The following PREX2 variants were observed in gnomAD, a reference collection of about 807,000 sequenced individuals.
PREX2 encodes the protein phosphatidylinositol-3,4,5-trisphosphate dependent Rac exchange factor 2, also known as phosphatidylinositol 3,4,5-trisphosphate-dependent Rac exchanger 2 protein.
PREX2 carries 107 observed loss-of-function variants against 203.2 expected under a neutral mutation model. The ratio of observed to expected loss-of-function variants is 0.53; its 90% CI spans 0.45 to 0.62. The LOEUF (loss-of-function observed/expected upper bound fraction) is 0.62, where lower values mean the gene tolerates loss of function less well. Ranked by LOEUF, PREX2 falls within the 20% of genes least tolerant of loss-of-function variation. The probability of loss-of-function intolerance (pLI) is 0.00; values close to 1 mark genes in which losing one functional copy is unlikely to be tolerated. For synonymous variants in PREX2, 672 were observed against 663.6 expected, an observed-to-expected ratio of 1.01 and a Z score of -0.19; for missense variants, 1,777 against 1,955.9, an observed-to-expected ratio of 0.91 and a Z score of 1.72.
At chr8:68,191,255 C>A (rs1263904278) in intron 35 of PREX2, among the ~76,000 whole-genome samples, 1 of 152,150 alleles carries the variant, frequency 6.6e-6, no homozygotes, top group East Asian at 1.9e-4. Context: ...TTTTATGAGC[C>A]TTCGTTCCAT....
intron 37 of PREX2, among the ~76,000 whole-genome samples, chr8:68,212,843 T>C (rs1310607380): frequency 6.6e-6 from 1 of 151,886 alleles, no homozygotes; most frequent in African/African-American, 2.4e-5. Flanking sequence ...TAAATTGCTG[T>C]CAAATGCAAA....
intron 10 of PREX2, among the ~76,000 whole-genome samples, chr8:68,059,429 A>G (rs1322076849): frequency 1.3e-5 from 2 of 152,196 alleles, no homozygotes; most frequent in African/African-American, 4.8e-5. Flanking sequence ...TCACAGCCAC[A>G]GCAGTGTGTG....
chr8:68,006,236 T>A (rs1807089343), intron 1 of PREX2, among the ~76,000 whole-genome samples: 1 of 152,180 alleles, frequency 6.6e-6, no homozygotes, highest in Non-Finnish European at 1.5e-5. Flanking sequence ...TGGTCTGGAA[T>A]TAGTTTTGCT....
At chr8:68,226,409 A>C (rs1032584289) in intron 39 of PREX2, among the ~76,000 whole-genome samples, 7 of 152,184 alleles carry the variant, frequency 4.6e-5, no homozygotes, top group African/African-American at 1.7e-4. Flanking sequence ...GATCTCTCCC[A>C]GCTGAGAACC....
In PREX2 at chr8:68,158,125, A is replaced by G. The variant is rs12381452; in HGVS notation, c.4346+689A>G. Reference sequence around the variant, plus strand: ...TATATATATGTGTGTATATATATGTATATATATATACACACATATATGAAT... The same window carrying G: ...TATATATATGTGTGTATATATATGTGTATATATATACACACATATATGAAT... On this transcript the variant is annotated intron_variant, in intron 35 of 39. Coordinates refer to ENST00000288368, the MANE Select transcript of PREX2 (RefSeq NM_024870.4). 5.1e-5 allele frequency among the ~76,000 whole-genome samples: 7 copies of G among 136,102 alleles called. No individual in the cohort carries two copies. In the East Asian group the frequency reaches 5.9e-4, roughly 12 times the overall value. 89.3% of individuals were successfully genotyped at this position (136,102 alleles called of 152,430 possible).
chr8:67,993,916 G>T (rs1806685174), intron 1 of PREX2, among the ~76,000 whole-genome samples: 1 of 152,122 alleles, frequency 6.6e-6, no homozygotes, highest in Admixed American at 6.5e-5. Flanking sequence ...GGATTCGAAG[G>T]ATAGGTTGAA....
chr8:67,965,830 C>G (rs1298324007), intron 1 of PREX2, among the ~76,000 whole-genome samples: 2 of 152,054 alleles, frequency 1.3e-5, no homozygotes, highest in Non-Finnish European at 2.9e-5. Context: ...ACAATTAGCA[C>G]AACCATATGA....
chr8:68,062,774 A>G (rs937473541), intron 11 of PREX2, among the ~76,000 whole-genome samples: 1 of 150,978 alleles, frequency 6.6e-6, no homozygotes, highest in African/African-American at 2.4e-5. Context: ...ATCTTTCTTC[A>G]TGTATTTATC....
intron 39 of PREX2, among the ~76,000 whole-genome samples, chr8:68,226,600 T>C (rs1036545163): frequency 1.3e-5 from 2 of 152,204 alleles, no homozygotes; most frequent in African/African-American, 4.8e-5. Flanking sequence ...AGTTTTCCTC[T>C]TACCATCCTC....
At chr8:68,063,188 T>A (rs1378203173) in intron 11 of PREX2, among the ~76,000 whole-genome samples, 2 of 152,216 alleles carry the variant, frequency 1.3e-5, no homozygotes, top group African/African-American at 4.8e-5. Context: ...ATAATTACCC[T>A]GTCTTTAATA....
chr8:68,147,497 A>T (rs1355994426), intron 34 of PREX2, among the ~76,000 whole-genome samples: 1 of 152,104 alleles, frequency 6.6e-6, no homozygotes, highest in African/African-American at 2.4e-5. Flanking sequence ...TTCCATGCAC[A>T]AGCCCTCTCC....
At chr8:67,978,472 A>C (rs188672488) in intron 1 of PREX2, among the ~76,000 whole-genome samples, 1 of 152,346 alleles carries the variant, frequency 6.6e-6, no homozygotes, top group Admixed American at 6.5e-5. Context: ...TATCCATTAT[A>C]TAATCCATTA....
At chr8:68,184,767 G>T (rs34214642) in intron 35 of PREX2, among the ~76,000 whole-genome samples, 1 of 152,088 alleles carries the variant, frequency 6.6e-6, no homozygotes, top group African/African-American at 2.4e-5. Flanking sequence ...GAAAAAGTTT[G>T]CCAGATGAGA....
chr8:68,050,354 G>T (rs1284490573), intron 8 of PREX2, among the ~76,000 whole-genome samples: 3 of 150,632 alleles, frequency 2.0e-5, no homozygotes, highest in African/African-American at 7.3e-5. Flanking sequence ...GAGGCCCCAG[G>T]ATACTTAAAA....
chr8:68,092,283 C>T (rs540923444), intron 20 of PREX2, among the ~76,000 whole-genome samples: 6 of 152,170 alleles, frequency 3.9e-5, no homozygotes, highest in East Asian at 3.9e-4. Flanking sequence ...CTAAGCGGTG[C>T]GGCTCATTGG....
chr8:68,083,231 C>G lies in PREX2; in HGVS notation c.1879-9C>G. ...TACTTTGACTTATTTTTTGTAATTT[C>G]TCTCTTAGATGGCTGGCATGGAAGT... On this transcript the variant is annotated splice_polypyrimidine_tract_variant and intron_variant, in intron 17 of 39. Coordinates refer to ENST00000288368, the MANE Select transcript of PREX2 (RefSeq NM_024870.4). The G allele has an allele frequency of 1.9e-6, 3 of 1,557,414 alleles. No individual in the cohort carries two copies. The South Asian group carries it at 3.6e-5, about 19-fold the overall frequency.
Position 68,055,820 on chromosome 8 carries a change from T to C in PREX2, c.1094-10T>C, listed in dbSNP as rs776991953. 2.9e-5 allele frequency: 46 copies of C among 1,607,068 alleles called. No individual in the cohort carries two copies. Among genetic ancestry groups the C allele is most frequent in the Non-Finnish European group, 3.8e-5 (45 of 1,178,180 alleles). ...TTTCAGTTACCTCTCCTTTCTTTCA[T>C]TTTTGATAGGTTTAAAATTAGGAAT... is the stretch of plus-strand genomic sequence containing the variant. On this transcript the variant is annotated splice_polypyrimidine_tract_variant and intron_variant, in intron 9 of 39. Coordinates refer to ENST00000288368, the MANE Select transcript of PREX2 (RefSeq NM_024870.4).
chr8:68,110,204 G>C (rs975927358), intron 25 of PREX2, among the ~76,000 whole-genome samples: 2 of 152,108 alleles, frequency 1.3e-5, no homozygotes, highest in African/African-American at 2.4e-5. Flanking sequence ...AAATAAATCA[G>C]TTCTAATTCT....
intron 35 of PREX2, among the ~76,000 whole-genome samples, chr8:68,160,298 A>C (rs1391048017): frequency 6.6e-6 from 1 of 152,192 alleles, no homozygotes; most frequent in Non-Finnish European, 1.5e-5. Flanking sequence ...ATGCATCAGA[A>C]TTAAGTAATT....
Sources: allele counts gnomAD v4.1 joint callset (sites outside exome capture counted in the v4.1 genomes callset), GRCh38; gene constraint gnomAD v4.1.1; transcripts MANE v1.5; gene names NCBI Gene and HGNC (gene_info 2026-07-23, HGNC 2026-07-21).